Variants in MLC1 observed in about 807,000 individuals in gnomAD.
MLC1 encodes modulator of VRAC current 1, also known as membrane protein MLC1.
A neutral mutation model predicts 44.7 loss-of-function variants in MLC1; 32 were observed. The ratio of observed to expected loss-of-function variants is 0.72; its 90% CI spans 0.54 to 0.96. MLC1 has a LOEUF of 0.96. Among genes scored for constraint, MLC1 ranks in the 40% least tolerant of loss-of-function variants. The probability of loss-of-function intolerance (pLI) is 0.00; values close to 1 mark genes in which losing one functional copy is unlikely to be tolerated. For synonymous variants in MLC1, 190 were observed against 213.0 expected (o/e 0.89, Z 0.94); for missense variants, 459 against 492.2 (o/e 0.93, Z 0.64).
At chr22:50,081,029 G>GAAAGAAAGAAAGAAAGAAAGAAAGA (rs1569250852) in intron 3 of MLC1, among the ~76,000 whole-genome samples, 1 of 145,956 alleles carries the variant, frequency 6.9e-6, no homozygotes, top group Non-Finnish European at 1.5e-5. Flanking sequence ...AAGAAAGAAA[G>GAAAGAAAGAAAGAAAGAAAGAAAGA]AAAGAAAGAA....
chr22:50,064,156 G>A lies in MLC1; in HGVS notation c.937C>T (p.Leu313=), dbSNP rs557836255. Residue 313 remains leucine (L), a synonymous_variant, in exon 11 of 12, where the codon CTG becomes TTG. Coordinates refer to ENST00000311597, the MANE Select transcript of MLC1 (RefSeq NM_015166.4). The part of the protein sequence containing the change: ...VLLLLLLLVL[L]LQAGLNTGTA... ...CCCGTGTTGAGGCCGGCCTGCAGCAGGAGCACTAGCAGCAGCAGCAGCAGC... is the reference window on the plus strand; with the variant it reads ...CCCGTGTTGAGGCCGGCCTGCAGCAAGAGCACTAGCAGCAGCAGCAGCAGC... 1.4e-5 allele frequency: 22 copies of A among 1,606,946 alleles called. No individual in the cohort carries two copies. The African/African-American group carries it at 2.8e-4, about 20-fold the overall frequency.
chr22:50,072,291 T>C (rs1260864073), intron 8 of MLC1, among the ~76,000 whole-genome samples: 2 of 152,060 alleles, frequency 1.3e-5, no homozygotes, highest in Non-Finnish European at 2.9e-5. Flanking sequence ...CCTGGAAGGG[T>C]CCAGGCCTGC....
chr22:50,078,139 C>A (rs1569249181), intron 5 of MLC1, among the ~76,000 whole-genome samples: 1 of 151,820 alleles, frequency 6.6e-6, no homozygotes, highest in Non-Finnish European at 1.5e-5. Flanking sequence ...GTTACAGGCA[C>A]CTACCAGCAC....
intron 10 of MLC1, among the ~76,000 whole-genome samples, chr22:50,064,414 T>C (rs1377684288): frequency 6.6e-6 from 1 of 152,198 alleles, no homozygotes; most frequent in African/African-American, 2.4e-5. Flanking sequence ...TCAGCTTGTG[T>C]TCAACATACA....
intron 6 of MLC1, 152 bp from the exon 7 acceptor site, chr22:50,077,064 G>A: frequency 1.3e-6 from 1 of 794,620 alleles, no homozygotes; most frequent in Non-Finnish European, 2.2e-6. Flanking sequence ...TGGGCTTGAG[G>A]AAATGTTCAC....
Position 50,084,950 on chromosome 22 carries a change from C to T in MLC1, c.-48G>A. 1.9e-6 allele frequency: 3 copies of T among 1,603,032 alleles called. No homozygotes were observed. The highest frequency in any genetic ancestry group is 2.5e-6 in the Non-Finnish European group (3 of 1,179,052). On this transcript the variant is annotated 5_prime_UTR_variant, in exon 2 of 12. It adds an upstream start codon to the 5' untranslated region. Coordinates refer to ENST00000311597, the MANE Select transcript of MLC1 (RefSeq NM_015166.4). The stretch of plus-strand genomic sequence containing the variant: ...GTGCTGAATGTACAGCCACGTGTCA[C>T]CAGTTCTTTATCTGGAATAAAATTA...
intron 8 of MLC1, among the ~76,000 whole-genome samples, chr22:50,072,073 T>G (rs1280919738): frequency 6.6e-6 from 1 of 152,230 alleles, no homozygotes; most frequent in Non-Finnish European, 1.5e-5. Context: ...TCTCCTGGGC[T>G]TGGTGCTTCT....
At chr22:50,077,175 T>C (rs547182495) in intron 6 of MLC1, among the ~76,000 whole-genome samples, 8 of 151,510 alleles carry the variant, frequency 5.3e-5, no homozygotes, top group Non-Finnish European at 8.8e-5. Context: ...GAGGGGAGGG[T>C]ACAGCATCTG....
intron 3 of MLC1, among the ~76,000 whole-genome samples, chr22:50,082,826 A>C (rs2146931087): frequency 6.6e-6 from 1 of 152,110 alleles, no homozygotes; most frequent in East Asian, 1.9e-4. Context: ...CACCGCGCCC[A>C]GCTAATTTTT....
At chr22:50,085,285 T>A in intron 1 of MLC1, 70 bp downstream of exon 1, 1 of 972,626 alleles carries the variant, frequency 1.0e-6, no homozygotes, top group South Asian at 2.0e-5. Flanking sequence ...GTTAAACTGC[T>A]CCAATTGGTA....
At chr22:50,074,045 T>C (rs888815163) in intron 8 of MLC1, among the ~76,000 whole-genome samples, 171 bp downstream of exon 8, 1 of 152,216 alleles carries the variant, frequency 6.6e-6, no homozygotes, top group African/African-American at 2.4e-5. Flanking sequence ...AGTTAATACT[T>C]TGACTCATTT....
At chr22:50,068,125 C>G (rs2061757589) in intron 10 of MLC1, among the ~76,000 whole-genome samples, 1 of 152,198 alleles carries the variant, frequency 6.6e-6, no homozygotes, top group Admixed American at 6.5e-5. Flanking sequence ...AGTTCTGATG[C>G]AAATCCGAAA....
intron 5 of MLC1, among the ~76,000 whole-genome samples, chr22:50,077,791 C>T (rs762169729): frequency 3.2e-4 from 49 of 152,182 alleles, no homozygotes; most frequent in Non-Finnish European, 6.0e-4. Flanking sequence ...CCATTCTGAA[C>T]GCTCCTTGTT....
chr22:50,074,677 C>T (rs951933868), intron 7 of MLC1: 10 of 360,198 alleles, frequency 2.8e-5, no homozygotes, highest in East Asian at 2.8e-4. Flanking sequence ...TGGCAGGCGG[C>T]GGTGCTCAGA....
chr22:50,073,494 G>A (rs1170537197), intron 8 of MLC1, among the ~76,000 whole-genome samples: 1 of 152,178 alleles, frequency 6.6e-6, no homozygotes, highest in Non-Finnish European at 1.5e-5. Context: ...ACTTTTGGGG[G>A]CCGAGGCAGG....
chr22:50,062,007 A>G (rs1450142847), intron 11 of MLC1, among the ~76,000 whole-genome samples: 1 of 152,310 alleles, frequency 6.6e-6, no homozygotes, highest in African/African-American at 2.4e-5. Context: ...CACTTAAGGC[A>G]GAGGTAACCA....
rs1325593026 is a variant in MLC1 at position 50,083,777 on chromosome 22, G to C, written c.178-604C>G. On this transcript the variant is annotated intron_variant, in intron 2 of 11. Transcript: ENST00000311597. The surrounding 1 kb of genome is among the most constrained non-coding windows in gnomAD (Gnocchi z 4.6). ...CCCGGGGTGAGTCTGAGGGGAGTCA[G>C]TATCAAAGGTCACTGGGACCCAGGG... 1.3e-5 allele frequency among the ~76,000 whole-genome samples: 2 copies of C among 152,040 alleles called. No homozygotes were observed. Among genetic ancestry groups the C allele is most frequent in the Admixed American group, 6.5e-5 (1 of 15,282 alleles).
At chr22:50,081,019 A>AAGAAAGAAAGAAAGAAAGAAAGAC (rs2062115500) in intron 3 of MLC1, among the ~76,000 whole-genome samples, 2 of 142,306 alleles carry the variant, frequency 1.4e-5, no homozygotes, top group African/African-American at 5.7e-5. Context: ...AAAAGAAAGA[A>AAGAAAGAAAGAAAGAAAGAAAGAC]AGAAAGAAAG....
chr22:50,064,001 C>T lies in MLC1; in HGVS notation c.1059+33G>A, dbSNP rs755623358. 30 of 1,575,402 alleles carry T rather than the reference C, an allele frequency of 1.9e-5. No individual in the cohort carries two copies. In the East Asian group the frequency reaches 3.9e-4, roughly 20 times the overall value. ...GGGCACCCCCGTGGGCCACTCACCTCCCCAGTGCCCCCTCCCCCTGCAGGC... is the reference window on the plus strand; with the variant it reads ...GGGCACCCCCGTGGGCCACTCACCTTCCCAGTGCCCCCTCCCCCTGCAGGC... On this transcript the variant is annotated intron_variant, in intron 11 of 11. Transcript: ENST00000311597.
Sources: allele counts gnomAD v4.1 joint callset (sites outside exome capture counted in the v4.1 genomes callset), GRCh38; gene constraint gnomAD v4.1.1; non-coding constraint Gnocchi (gnomAD v3.1); transcripts MANE v1.5; gene names NCBI Gene and HGNC (gene_info 2026-07-23, HGNC 2026-07-21).